TCF12: variants seen among roughly 807,000 people sequenced by gnomAD.
TCF12 encodes transcription factor 12.
In TCF12, 45 loss-of-function variants were observed where a neutral mutation model predicts 86.0. The observed-to-expected ratio is 0.52, with a 90% CI of 0.41 to 0.67. The LOEUF (loss-of-function observed/expected upper bound fraction) is 0.67, where lower values mean the gene tolerates loss of function less well. Ranked by LOEUF, TCF12 falls within the 30% of genes least tolerant of loss-of-function variation. The pLI, the probability that TCF12 is intolerant of heterozygous loss-of-function variation, is 0.00. For missense variants in TCF12, 881 were observed against 859.9 expected, an observed-to-expected ratio of 1.02 and a Z score of -0.31; for synonymous variants, 330 against 299.6, an observed-to-expected ratio of 1.10 and a Z score of -1.05.
In TCF12 at chr15:57,287,095, T is replaced by C. The variant is rs1182682420; in HGVS notation, c.*950T>C. The C allele has an allele frequency of 6.1e-6, 1 of 162,844 alleles. No individual in the cohort carries two copies. The highest frequency in any genetic ancestry group is 1.7e-4 in the East Asian group (1 of 5,794). The allele number at this position is 162,844 out of a possible 1,614,324, so 10.1% of individuals were successfully genotyped here. A position where few individuals can be genotyped will look rare whatever the true frequency, so the allele number is the denominator to read the frequency against. On this transcript the variant is annotated 3_prime_UTR_variant, in exon 21 of 21. Coordinates refer to ENST00000333725, the MANE Select transcript of TCF12 (RefSeq NM_207037.2). ...AAAATTGTAAATTACAAGGGAAGAA[T>C]CTACTTTTTAGAAATCGCTTTGTTT...
In TCF12 at chr15:57,005,172, C is replaced by A. The variant is rs946784394; in HGVS notation, c.149-58578C>A. On this transcript the variant is annotated intron_variant, in intron 3 of 20. Coordinates refer to ENST00000333725, the MANE Select transcript of TCF12 (RefSeq NM_207037.2). ...GTATTTCTGGGTGTTCTTAGGTATTCTTTAAATAAACAAAAATAGATAAAG... is the reference window on the plus strand; with the variant it reads ...GTATTTCTGGGTGTTCTTAGGTATTATTTAAATAAACAAAAATAGATAAAG... Among the ~76,000 whole-genome samples the A allele has an allele frequency of 3.3e-5, 5 of 152,112 alleles. No homozygotes were observed. The South Asian group carries it at 1.0e-3, about 31-fold the overall frequency.
chr15:57,029,966 T>A (rs2066052328), intron 3 of TCF12, among the ~76,000 whole-genome samples: 1 of 152,228 alleles, frequency 6.6e-6, no homozygotes, highest in Admixed American at 6.5e-5. Flanking sequence ...CCATAGTTTG[T>A]TTTTTCATGT....
At chr15:56,959,332 G>A (rs1452434830) in intron 3 of TCF12, among the ~76,000 whole-genome samples, 1 of 152,182 alleles carries the variant, frequency 6.6e-6, no homozygotes, top group African/African-American at 2.4e-5. Context: ...CTTTCTAACA[G>A]TAGGATATAT....
intron 3 of TCF12, among the ~76,000 whole-genome samples, chr15:56,940,424 T>C (rs2060680266): frequency 6.6e-6 from 1 of 152,114 alleles, no homozygotes; most frequent in Non-Finnish European, 1.5e-5. Context: ...CATCTAGACA[T>C]GATGTCTTTA....
chr15:56,935,286 C>G (rs536063654), intron 3 of TCF12, among the ~76,000 whole-genome samples: 1 of 152,200 alleles, frequency 6.6e-6, no homozygotes, highest in Admixed American at 6.5e-5. Flanking sequence ...TGGTGGCTTA[C>G]ACGACAGAAA....
chr15:57,187,963 G>T (rs1380691996), intron 6 of TCF12, among the ~76,000 whole-genome samples: 1 of 151,636 alleles, frequency 6.6e-6, no homozygotes, highest in Non-Finnish European at 1.5e-5. Context: ...AAACAGATTA[G>T]CTAGCCAAGA....
chr15:57,133,629 T>G (rs1179533914), intron 5 of TCF12, among the ~76,000 whole-genome samples: 4 of 151,342 alleles, frequency 2.6e-5, no homozygotes, highest in Non-Finnish European at 4.4e-5. Context: ...AATGTGTTTT[T>G]TTTTTTTTTT....
chr15:57,028,958 C>T (rs1409104176), intron 3 of TCF12, among the ~76,000 whole-genome samples: 1 of 152,008 alleles, frequency 6.6e-6, no homozygotes, highest in Non-Finnish European at 1.5e-5. Context: ...CCACCATGCC[C>T]AGCTAATTTT....
At chr15:56,925,877 C>T (rs2059988466) in intron 3 of TCF12, among the ~76,000 whole-genome samples, 1 of 152,188 alleles carries the variant, frequency 6.6e-6, no homozygotes, top group South Asian at 2.1e-4. Context: ...ATTCAAAAGA[C>T]TAATGAATGA....
At chr15:57,230,944 A>G (rs1176361994) in intron 8 of TCF12, among the ~76,000 whole-genome samples, 1 of 130,628 alleles carries the variant, frequency 7.7e-6, no homozygotes, top group Non-Finnish European at 1.8e-5. Flanking sequence ...GTTTTCCCTA[A>G]TAACCAGCTT....
chr15:57,037,471 G>C (rs1328651726), intron 3 of TCF12, among the ~76,000 whole-genome samples: 1 of 151,500 alleles, frequency 6.6e-6, no homozygotes, highest in Non-Finnish European at 1.5e-5. Flanking sequence ...GGTAGTATAA[G>C]CTACCTAACT....
At chr15:57,230,265 G>A (rs1418109259) in intron 8 of TCF12, among the ~76,000 whole-genome samples, 1 of 151,868 alleles carries the variant, frequency 6.6e-6, no homozygotes, top group African/African-American at 2.4e-5. Flanking sequence ...AAAATAATTT[G>A]TTTGTTTCAT....
At chr15:57,238,936 A>T (rs1230703423) in intron 12 of TCF12, among the ~76,000 whole-genome samples, 1 of 152,238 alleles carries the variant, frequency 6.6e-6, no homozygotes, top group African/African-American at 2.4e-5. Context: ...TGACATTGGA[A>T]CTGAGCTTTG....
intron 5 of TCF12, among the ~76,000 whole-genome samples, chr15:57,143,437 TTATGTAAGCTTGGG>T (rs1423274061): frequency 6.6e-6 from 1 of 152,168 alleles, no homozygotes; most frequent in African/African-American, 2.4e-5. Context: ...CTAACAACTT[TTATGTAAGCTTGGG>T]ACATTTTAAA....
intron 3 of TCF12, among the ~76,000 whole-genome samples, chr15:57,052,547 G>A (rs2067707350): frequency 6.6e-6 from 1 of 150,606 alleles, no homozygotes. Context: ...TGAGGCAAGA[G>A]ATTCACTTGA....
chr15:57,078,934 A>G (rs2070380181), intron 4 of TCF12, among the ~76,000 whole-genome samples: 1 of 152,208 alleles, frequency 6.6e-6, no homozygotes, highest in South Asian at 2.1e-4. Context: ...TAAGAAAAGA[A>G]AGGTAATGCT....
chr15:56,930,885 C>G (rs1412927327), intron 3 of TCF12, among the ~76,000 whole-genome samples: 1 of 152,126 alleles, frequency 6.6e-6, no homozygotes. Context: ...CATTGACATT[C>G]TCTATTTTCC....
At chr15:57,040,553 C>T (rs2066829658) in intron 3 of TCF12, among the ~76,000 whole-genome samples, 1 of 152,090 alleles carries the variant, frequency 6.6e-6, no homozygotes, top group African/African-American at 2.4e-5. Flanking sequence ...AGGAAGAGCT[C>T]AACCTTCAAA....
intron 3 of TCF12, among the ~76,000 whole-genome samples, chr15:56,961,046 A>T (rs539924398): frequency 4.0e-4 from 61 of 151,130 alleles, no homozygotes; most frequent in Non-Finnish European, 7.7e-4. Flanking sequence ...AGGCTGAGGC[A>T]GGAGAATTGC....
Sources: allele counts gnomAD v4.1 joint callset (sites outside exome capture counted in the v4.1 genomes callset), GRCh38; gene constraint gnomAD v4.1.1; transcripts MANE v1.5; gene names NCBI Gene and HGNC (gene_info 2026-07-23, HGNC 2026-07-21).